Variants in PRKN observed in about 807,000 individuals in gnomAD.
PRKN encodes the protein E3 ubiquitin-protein ligase parkin.
A neutral mutation model predicts 59.5 loss-of-function variants in PRKN; 56 were observed. That is an observed-to-expected ratio of 0.94 (90% CI 0.76 to 1.18). The LOEUF (loss-of-function observed/expected upper bound fraction) is 1.18. PRKN is among the 50% of genes most tolerant of loss of function. PRKN has a pLI of 0.00. For missense variants in PRKN, 657 were observed against 596.4 expected (o/e 1.10, Z -1.06); for synonymous variants, 250 against 222.1 (o/e 1.13, Z -1.12).
At position 161,484,943 on chromosome 6, in the gene PRKN, G is replaced by A. The variant is rs570568614; in HGVS notation, c.1083+63911C>T. On this transcript the variant is annotated intron_variant, in intron 9 of 11. Coordinates refer to ENST00000366898, the MANE Select transcript of PRKN (RefSeq NM_004562.3). The surrounding 1 kb of genome is among the most constrained non-coding windows in gnomAD (Gnocchi z 4.9). ...CTAACCACCTGCCTTTGCTGCCGCC[G>A]GCTTCCCCCTGCTTCTTTGAGGCAA... Among the ~76,000 whole-genome samples the A allele has an allele frequency of 4.6e-5, 7 of 152,146 alleles. No individual in the cohort carries two copies. The highest frequency in any genetic ancestry group is 4.2e-4 in the South Asian group (2 of 4,816).
rs1779138640 is a variant in PRKN at position 161,529,769 on chromosome 6, G to A, written c.1083+19085C>T. Among the ~76,000 whole-genome samples, 1 of 152,096 alleles carries A rather than the reference G, an allele frequency of 6.6e-6. No homozygotes were observed. The highest frequency in any genetic ancestry group is 2.4e-5 in the African/African-American group (1 of 41,412). ...TTGGTACAACTGATTTTTGTCTCTG[G>A]CTGGAAAATTTTTCATGGGTTACAC... On this transcript the variant is annotated intron_variant, in intron 9 of 11. Transcript: ENST00000366898. The surrounding 1 kb of genome is among the most constrained non-coding windows in gnomAD (Gnocchi z 4.4).
chr6:162,006,811 T>C (rs144895399), intron 5 of PRKN, among the ~76,000 whole-genome samples: 12 of 152,290 alleles, frequency 7.9e-5, no homozygotes, highest in South Asian at 6.2e-4. Flanking sequence ...ATGGCACTTA[T>C]TGGTACCTAG....
chr6:161,729,371 A>G (rs1038703889), intron 7 of PRKN, among the ~76,000 whole-genome samples: 9 of 152,232 alleles, frequency 5.9e-5, no homozygotes, highest in African/African-American at 2.2e-4. Context: ...TTAAAAATTA[A>G]AAATGACAGT....
intron 6 of PRKN, among the ~76,000 whole-genome samples, chr6:161,818,679 G>C (rs545730853): frequency 6.6e-6 from 1 of 152,200 alleles, no homozygotes; most frequent in East Asian, 1.9e-4. Flanking sequence ...AAGGTTACTA[G>C]ATAGCAAGGA....
At chr6:162,271,430 C>T (rs1780388449) in intron 2 of PRKN, 1 of 151,692 alleles carries the variant, frequency 6.6e-6, no homozygotes, top group African/African-American at 2.4e-5. Flanking sequence ...GTAATCCTGG[C>T]TACTTGAGAG....
intron 3 of PRKN, among the ~76,000 whole-genome samples, chr6:162,221,688 T>C (rs1348067816): frequency 6.6e-6 from 1 of 152,080 alleles, no homozygotes; most frequent in Non-Finnish European, 1.5e-5. Flanking sequence ...GATTGAAAAA[T>C]GTATGAAGCT....
intron 6 of PRKN, among the ~76,000 whole-genome samples, chr6:161,824,329 T>C (rs1792153450): frequency 6.6e-6 from 1 of 152,212 alleles, no homozygotes; most frequent in Non-Finnish European, 1.5e-5. Flanking sequence ...CATCAACACC[T>C]TGTCAAACAG....
intron 6 of PRKN, among the ~76,000 whole-genome samples, chr6:161,889,674 C>T (rs751397473): frequency 1.2e-4 from 18 of 152,242 alleles, no homozygotes; most frequent in Non-Finnish European, 2.5e-4. Context: ...CAGGTGTTAA[C>T]ATTCAAGTGT....
At chr6:162,445,489 C>G (rs1437898262) in intron 1 of PRKN, among the ~76,000 whole-genome samples, 1 of 151,902 alleles carries the variant, frequency 6.6e-6, no homozygotes, top group East Asian at 1.9e-4. Context: ...AAGTTCAAGA[C>G]CAGCCTGGGC....
rs141576556 is a variant in PRKN, at chr6:162,420,799, TAC to T, written c.171+22509_171+22510del. ...TAAGCAGGAAAAAGATGGGGACACT[TAC>T]AGTTTTAACGGCTTACCTCTTTTGT... On this transcript the variant is annotated intron_variant, in intron 2 of 11. Coordinates refer to ENST00000366898, the MANE Select transcript of PRKN (RefSeq NM_004562.3). 4.9e-3 allele frequency among the ~76,000 whole-genome samples: 744 copies of T among 152,248 alleles called. 7 individuals are homozygous for T. Among genetic ancestry groups the T allele is most frequent in the African/African-American group, 0.017 (690 of 41,548 alleles).
intron 1 of PRKN, among the ~76,000 whole-genome samples, chr6:162,627,983 A>G (rs1261060282): frequency 6.6e-6 from 1 of 152,132 alleles, no homozygotes; most frequent in African/African-American, 2.4e-5. Flanking sequence ...CGAGTGATAG[A>G]GCCAATGAAC....
intron 1 of PRKN, among the ~76,000 whole-genome samples, chr6:162,504,324 T>C (rs536765026): frequency 6.6e-6 from 1 of 152,336 alleles, no homozygotes; most frequent in South Asian, 2.1e-4. Context: ...GCATAAGCCA[T>C]GACCCTGGAA....
At chr6:161,871,146 C>G (rs1794327595) in intron 6 of PRKN, among the ~76,000 whole-genome samples, 1 of 151,980 alleles carries the variant, frequency 6.6e-6, no homozygotes. Flanking sequence ...GAGATTATTT[C>G]TAGAGTTTTC....
intron 1 of PRKN, among the ~76,000 whole-genome samples, chr6:162,711,602 A>C (rs1584098274): frequency 6.6e-6 from 1 of 152,104 alleles, no homozygotes; most frequent in South Asian, 2.1e-4. Context: ...CCTGCCTCCC[A>C]AGCAGCCGTA....
intron 10 of PRKN, among the ~76,000 whole-genome samples, chr6:161,375,685 C>T (rs375062227): frequency 2.6e-5 from 4 of 152,292 alleles, no homozygotes; most frequent in African/African-American, 7.2e-5. Flanking sequence ...GGGCCTTTGA[C>T]GACCTGCCAA....
chr6:161,907,462 A>G (rs980625200), intron 6 of PRKN, among the ~76,000 whole-genome samples: 44 of 152,200 alleles, frequency 2.9e-4, no homozygotes, highest in Non-Finnish European at 1.2e-4. Flanking sequence ...ACACATATAT[A>G]CACATATTCT....
In PRKN at chr6:162,044,857, C is replaced by T. The variant is rs559148678; in HGVS notation, c.618+9234G>A. ...CTGAACTCCATAAGCACTTTCTATGCGTGTTTCACATCACTCATGATATAC... is the reference window on the plus strand; with the variant it reads ...CTGAACTCCATAAGCACTTTCTATGTGTGTTTCACATCACTCATGATATAC... On this transcript the variant is annotated intron_variant, in intron 5 of 11. Transcript: ENST00000366898. Among the ~76,000 whole-genome samples the T allele has an allele frequency of 2.6e-5, 4 of 152,266 alleles. No individual in the cohort carries two copies. The East Asian group carries it at 5.8e-4, about 22-fold the overall frequency.
At chr6:161,389,800 C>T (rs1434921820) in intron 9 of PRKN, among the ~76,000 whole-genome samples, 1 of 152,084 alleles carries the variant, frequency 6.6e-6, no homozygotes, top group African/African-American at 2.4e-5. Flanking sequence ...CTTATTAGCT[C>T]GTGGATGAGA....
intron 1 of PRKN, among the ~76,000 whole-genome samples, chr6:162,611,941 T>C (rs1291296216): frequency 1.3e-5 from 2 of 151,626 alleles, no homozygotes; most frequent in Non-Finnish European, 2.9e-5. Flanking sequence ...ATCCCAGCAC[T>C]TTGGGAGGCC....
Sources: allele counts gnomAD v4.1 joint callset (sites outside exome capture counted in the v4.1 genomes callset), GRCh38; gene constraint gnomAD v4.1.1; non-coding constraint Gnocchi (gnomAD v3.1); transcripts MANE v1.5; gene names NCBI Gene and HGNC (gene_info 2026-07-23, HGNC 2026-07-21).